The following ENTPD1 variants were observed in gnomAD, a reference collection of about 807,000 sequenced individuals.
The protein encoded by ENTPD1 is ATP diphosphohydrolase.
A neutral mutation model predicts 57.0 loss-of-function variants in ENTPD1; 33 were observed. The observed-to-expected ratio is 0.58, with a 90% CI of 0.44 to 0.77. The LOEUF (loss-of-function observed/expected upper bound fraction) is 0.77. ENTPD1 is among the 30% of genes least tolerant of loss of function. ENTPD1 has a pLI of 0.00. For synonymous variants in ENTPD1, 202 were observed against 218.8 expected (o/e 0.92, Z 0.68); for missense variants, 501 against 603.4 (o/e 0.83, Z 1.78).
Position 95,873,427 on chromosome 10 carries a change from T to C in ENTPD1, c.*7044T>C, listed in dbSNP as rs1451381691. 1.0e-6 allele frequency: 1 copy of C among 985,450 alleles called. No individual in the cohort carries two copies. The highest frequency in any genetic ancestry group is 6.1e-5 in the Admixed American group (1 of 16,262). The allele number at this position is 985,450 out of a possible 1,614,324, so 61.0% of individuals were successfully genotyped here. A position where few individuals can be genotyped will look rare whatever the true frequency, so the allele number is the denominator to read the frequency against. ...TTGGAGACCAGCACCTCATACTCAGTGAAGGCCTGGAGTGCTTAAGAGGGA... is the reference window on the plus strand; with the variant it reads ...TTGGAGACCAGCACCTCATACTCAGCGAAGGCCTGGAGTGCTTAAGAGGGA... On this transcript the variant is annotated 3_prime_UTR_variant, in exon 10 of 10. Transcript: ENST00000371205.
In ENTPD1 at chr10:95,823,322, T is replaced by C. The variant is rs757189483; in HGVS notation, c.102T>C (p.Ala34=). The change falls in exon 2 of 10, where the codon GCT becomes GCC. Residue 34 remains alanine (A), a synonymous_variant. Transcript: ENST00000371205. ...SSIIAVIALL[A]VGLTQNKALP... ...TCATAGCTGTGATAGCTTTGCTTGC[T>C]GTGGGGTTGACCCAGAACAAAGCAT... 2 of 1,614,218 alleles carry C rather than the reference T, an allele frequency of 1.2e-6. No homozygotes were observed. Among genetic ancestry groups the C allele is most frequent in the South Asian group, 1.1e-5 (1 of 91,088 alleles).
At chr10:95,756,396 A>T in intron 1 of ENTPD1, 141 bp downstream of exon 1, 3 of 979,064 alleles carry the variant, frequency 3.1e-6, no homozygotes, top group Non-Finnish European at 3.1e-6. Context: ...TCCTTCTGAG[A>T]GGAGGCAGAG....
intron 7 of ENTPD1, among the ~76,000 whole-genome samples, chr10:95,858,075 G>T (rs2098458484): frequency 6.6e-6 from 1 of 151,604 alleles, no homozygotes; most frequent in Non-Finnish European, 1.5e-5. Context: ...GGAGAATGGC[G>T]TGAACCCGGA....
chr10:95,751,714 CAAAA>C, upstream of ENTPD1, among the ~76,000 whole-genome samples: 1 of 123,934 alleles, frequency 8.1e-6, no homozygotes, highest in African/African-American at 3.0e-5. Context: ...GACATCGTCT[CAAAA>C]AAAAAAAAAA....
chr10:95,725,728 A>G (rs1566090729), intron 1 of ENTPD1, among the ~76,000 whole-genome samples: 1 of 152,166 alleles, frequency 6.6e-6, no homozygotes, highest in Non-Finnish European at 1.5e-5. Context: ...AATGCTTTCA[A>G]AGTTATAGCC....
Position 95,875,885 on chromosome 10 carries a change from T to C in ENTPD1, c.*9502T>C. ...GAAAGACCAGCCCCCTTGATTCAATTACCTCCCCCTGGGTCCTGTGGGAAT... is the reference window on the plus strand; with the variant it reads ...GAAAGACCAGCCCCCTTGATTCAATCACCTCCCCCTGGGTCCTGTGGGAAT... On this transcript the variant is annotated 3_prime_UTR_variant, in exon 10 of 10. Coordinates refer to ENST00000371205, the MANE Select transcript of ENTPD1 (RefSeq NM_001776.6). 1 of 711,892 alleles carries C rather than the reference T, an allele frequency of 1.4e-6. No homozygotes were observed. Among genetic ancestry groups the C allele is most frequent in the Non-Finnish European group, 1.7e-6 (1 of 580,342 alleles). The allele number at this position is 711,892 out of a possible 1,614,324, so 44.1% of individuals were successfully genotyped here.
intron 8 of ENTPD1, among the ~76,000 whole-genome samples, chr10:95,863,252 C>T (rs1035310330): frequency 6.6e-6 from 1 of 152,152 alleles, no homozygotes; most frequent in African/African-American, 2.4e-5. Context: ...CATCTCCCAG[C>T]CCCCCACAAG....
In ENTPD1 at chr10:95,869,088, T is replaced by G; in HGVS notation, c.*2705T>G. 1 of 985,248 alleles carries G rather than the reference T, an allele frequency of 1.0e-6. No individual in the cohort carries two copies. Among genetic ancestry groups the G allele is most frequent in the Non-Finnish European group, 1.2e-6 (1 of 829,902 alleles). The allele number at this position is 985,248 out of a possible 1,614,324, so 61.0% of individuals were successfully genotyped here. The stretch of plus-strand genomic sequence containing the variant: ...TGGATTGGCCATTGGTTATCACTGA[T>G]TACCATTCTCCCCTGGATTTTCACC... On this transcript the variant is annotated 3_prime_UTR_variant, in exon 10 of 10. Transcript: ENST00000371205.
intron 7 of ENTPD1, among the ~76,000 whole-genome samples, chr10:95,855,703 G>A (rs1037797257): frequency 6.6e-6 from 1 of 152,080 alleles, no homozygotes. Context: ...TGAAGCTTAG[G>A]TTGGCTGGAC....
At position 95,870,760 on chromosome 10, in the gene ENTPD1, T is replaced by C. The variant is rs2098479479; in HGVS notation, c.*4377T>C. The C allele has an allele frequency of 1.0e-6, 1 of 985,474 alleles. No individual in the cohort carries two copies. The highest frequency in any genetic ancestry group is 1.2e-6 in the Non-Finnish European group (1 of 829,936). The allele number at this position is 985,474 out of a possible 1,614,324, so 61.0% of individuals were successfully genotyped here. On this transcript the variant is annotated 3_prime_UTR_variant, in exon 10 of 10. Transcript: ENST00000371205. ...GATTCAAATTCCAACTGTTAGAACA[T>C]GACAGCTGCTCATAACTAGCTTTGC...
At position 95,823,272 on chromosome 10, in the gene ENTPD1, C is replaced by A. The variant is rs1263700503; in HGVS notation, c.52C>A (p.Leu18Ile). 6.2e-7 allele frequency: 1 copy of A among 1,614,148 alleles called. No individual in the cohort carries two copies. Among genetic ancestry groups the A allele is most frequent in the Non-Finnish European group, 8.5e-7 (1 of 1,179,994 alleles). Residue 18 changes from leucine to isoleucine, a missense_variant, in exon 2 of 10, where the codon CTA becomes ATA. Leu to Ile is a conservative substitution (Grantham distance 5, BLOSUM62 2). Transcript: ENST00000371205. ...GAAGACATTTTGCTCCAAGAATATC[C>A]TAGCCATCCTTGGCTTCTCCTCTAT... The part of the protein sequence containing the change: ...NVKTFCSKNI[L>I]AILGFSSIIA...
chr10:95,734,838 G>A (rs2097992862), intron 1 of ENTPD1, among the ~76,000 whole-genome samples: 1 of 152,188 alleles, frequency 6.6e-6, no homozygotes, highest in Non-Finnish European at 1.5e-5. Context: ...CACACAGGGT[G>A]AAGATCCCTT....
At chr10:95,701,445 A>G in the ENTPD1 span, among the ~76,000 whole-genome samples, 1 of 152,236 alleles carries the variant, frequency 6.6e-6, no homozygotes, top group Non-Finnish European at 1.5e-5. Context: ...ATAAAAGCAA[A>G]TAAGTAGTGG....
chr10:95,854,100 C>A (rs1418658545), intron 7 of ENTPD1, among the ~76,000 whole-genome samples: 1 of 152,184 alleles, frequency 6.6e-6, no homozygotes, highest in African/African-American at 2.4e-5. Context: ...ATTATTGCCT[C>A]AATTTCAGAG....
At chr10:95,856,727 G>A (rs1340219269) in intron 7 of ENTPD1, among the ~76,000 whole-genome samples, 1 of 148,956 alleles carries the variant, frequency 6.7e-6, no homozygotes, top group Non-Finnish European at 1.5e-5. Context: ...CCATAAAAAG[G>A]AATGAAATCA....
At chr10:95,739,853 A>G (rs1263267825) in intron 1 of ENTPD1, among the ~76,000 whole-genome samples, 1 of 152,252 alleles carries the variant, frequency 6.6e-6, no homozygotes, top group African/African-American at 2.4e-5. Flanking sequence ...TTCTTAAGTA[A>G]TAAGACTTGA....
intron 8 of ENTPD1, among the ~76,000 whole-genome samples, chr10:95,863,710 G>A (rs1021767668): frequency 3.3e-5 from 5 of 152,166 alleles, no homozygotes; most frequent in Admixed American, 2.6e-4. Flanking sequence ...CCCACGGAAG[G>A]GAGAGAAATC....
Position 95,847,672 on chromosome 10 carries a change from G to A in ENTPD1, c.1040G>A (p.Gly347Glu), listed in dbSNP as rs2140882497. The A allele has an allele frequency of 6.2e-7, 1 of 1,614,072 alleles. No individual in the cohort carries two copies. Among genetic ancestry groups the A allele is most frequent in the East Asian group, 2.2e-5 (1 of 44,882 alleles). Residue 347 changes from glycine to glutamate, a missense_variant, in exon 7 of 10, where the codon GGG becomes GAG. Physicochemically the swap from Gly to Glu is moderately conservative, Grantham distance 98. Transcript: ENST00000371205. Reference protein sequence around the residue: ...YCPYSQCAFNGIFLPPLQGDF... With the variant: ...YCPYSQCAFNEIFLPPLQGDF... ...CCTTACTCCCAGTGTGCCTTCAATG[G>A]GATTTTCTTGCCACCACTCCAGGGG...
At position 95,866,681 on chromosome 10, in the gene ENTPD1, T is replaced by C; in HGVS notation, c.*298T>C. 3 of 1,230,312 alleles carry C rather than the reference T, an allele frequency of 2.4e-6. No homozygotes were observed. The highest frequency in any genetic ancestry group is 3.1e-6 in the Non-Finnish European group (3 of 971,826). The allele number at this position is 1,230,312 out of a possible 1,614,324, so 76.2% of individuals were successfully genotyped here. On this transcript the variant is annotated 3_prime_UTR_variant, in exon 10 of 10. Transcript: ENST00000371205. ...GACACCTTTCATAATCTTTGCTTTATAAAAGAACAATATTGACTTTGTCTA... is the reference window on the plus strand; with the variant it reads ...GACACCTTTCATAATCTTTGCTTTACAAAAGAACAATATTGACTTTGTCTA...
Sources: gnomAD v4.1 joint callset for allele counts (sites outside exome capture counted in the v4.1 genomes callset) on GRCh38, gnomAD v4.1.1 for gene constraint, MANE v1.5 for transcripts, NCBI Gene and HGNC (gene_info 2026-07-23, HGNC 2026-07-21) for gene names.